The following CRYGN variants were observed in gnomAD, a reference collection of about 807,000 sequenced individuals.
CRYGN encodes the protein gamma-crystallin N.
In CRYGN, 17 loss-of-function variants were observed where a neutral mutation model predicts 19.2. The observed-to-expected ratio is 0.89, with a 90% CI of 0.61 to 1.33. The LOEUF is 1.33. CRYGN is among the 40% of genes most tolerant of loss of function. The pLI, the probability that CRYGN is intolerant of heterozygous loss-of-function variation, is 0.00. For synonymous variants in CRYGN, 84 were observed against 85.8 expected (o/e 0.98, Z 0.12); for missense variants, 239 against 239.6 (o/e 1.00, Z 0.02).
In CRYGN at chr7:151,431,426, G is replaced by T. The variant is rs1300032445; in HGVS notation, c.417-1246C>A. Among the ~76,000 whole-genome samples, 1 of 152,178 alleles carries T rather than the reference G, an allele frequency of 6.6e-6. No homozygotes were observed. Among genetic ancestry groups the T allele is most frequent in the African/African-American group, 2.4e-5 (1 of 41,442 alleles). ...AAGCCCACCCCAACAGGAGGACCCA[G>T]TGTCCTGGAGAGGGCCCAGGAATGG... On this transcript the variant is annotated intron_variant, in intron 3 of 3. Transcript: ENST00000337323. This position sits in a 1 kb window ranked among gnomAD's most constrained non-coding sequence, Gnocchi z 4.8.
At chr7:151,438,379 G>T in intron 1 of CRYGN, 135 bp from the exon 2 acceptor site, 1 of 827,734 alleles carries the variant, frequency 1.2e-6, no homozygotes, top group Non-Finnish European at 1.9e-6. Flanking sequence ...GCTGCACACA[G>T]TAGGTGCCCA....
intron 1 of CRYGN, among the ~76,000 whole-genome samples, chr7:151,438,645 A>C (rs756679434): frequency 6.6e-6 from 1 of 152,258 alleles, no homozygotes; most frequent in Non-Finnish European, 1.5e-5. Flanking sequence ...TTTTCAAAAG[A>C]AGAAATTTCA....
intron 1 of CRYGN, 140 bp from the exon 2 acceptor site, chr7:151,438,384 T>TCTGG: frequency 2.5e-6 from 2 of 789,226 alleles, no homozygotes; most frequent in Non-Finnish European, 2.0e-6. Flanking sequence ...ACACAGTAGG[T>TCTGG]GCCCAACACT....
In CRYGN at chr7:151,430,977, C is replaced by T. The variant is rs180848425; in HGVS notation, c.417-797G>A. The stretch of plus-strand genomic sequence containing the variant: ...ATCCCTCATCCAGCCAGGCCTTGGT[C>T]CAGGCACAGGCCATGTGGACATCTT... On this transcript the variant is annotated intron_variant, in intron 3 of 3. Coordinates refer to ENST00000337323, the MANE Select transcript of CRYGN (RefSeq NM_144727.3). The surrounding 1 kb of genome is among the most constrained non-coding windows in gnomAD (Gnocchi z 5.2). 6.6e-5 allele frequency among the ~76,000 whole-genome samples: 10 copies of T among 152,342 alleles called. No homozygotes were observed. The East Asian group carries it at 1.7e-3, about 26-fold the overall frequency.
chr7:151,434,717 C>A (rs549327447), intron 3 of CRYGN, among the ~76,000 whole-genome samples: 1 of 152,304 alleles, frequency 6.6e-6, no homozygotes, highest in South Asian at 2.1e-4. Context: ...CACTTAACAC[C>A]GTCAGTAAGT....
Position 151,430,077 on chromosome 7 carries a change from G to T in CRYGN, c.520C>A (p.Gln174Lys). 7.4e-7 allele frequency: 1 copy of T among 1,352,412 alleles called. No homozygotes were observed. Among genetic ancestry groups the T allele is most frequent in the Non-Finnish European group, 1.1e-6 (1 of 941,002 alleles). 83.8% of individuals were successfully genotyped at this position (1,352,412 alleles called of 1,614,324 possible). A position where few individuals can be genotyped will look rare whatever the true frequency, so the allele number is the denominator to read the frequency against. ...EEATTKPATT[Q>K]PPFLTANL is the part of the protein sequence containing the mutation. The stretch of plus-strand genomic sequence containing the variant: ...AGGTTTGCAGTCAGGAAAGGTGGCT[G>T]GGTTGTTGCTGGTTTTGTGGTGGCC... Residue 174 changes from glutamine to lysine, a missense_variant, in exon 4 of 4, where the codon CAG (glutamine) becomes AAG (lysine). Physicochemically the swap from Gln to Lys is moderately conservative, Grantham distance 53. Transcript: ENST00000337323. The surrounding 1 kb of genome is among the most constrained non-coding windows in gnomAD (Gnocchi z 5.2).
At chr7:151,437,865 T>C (rs1427087055) in intron 2 of CRYGN, 131 bp downstream of exon 2, 13 of 1,539,376 alleles carry the variant, frequency 8.4e-6, no homozygotes, top group African/African-American at 1.4e-5. Flanking sequence ...GCTCTGGGTA[T>C]AGCTCCTTCA....
rs1288590502 is a variant in CRYGN, at chr7:151,431,971, G to C, written c.417-1791C>G. The C allele has an allele frequency of 2.6e-6, 1 of 380,338 alleles. No individual in the cohort carries two copies. Among genetic ancestry groups the C allele is most frequent in the African/African-American group, 2.1e-5 (1 of 48,174 alleles). The allele number at this position is 380,338 out of a possible 1,614,324, so 23.6% of individuals were successfully genotyped here. On this transcript the variant is annotated intron_variant, in intron 3 of 3. Transcript: ENST00000337323. The surrounding 1 kb of genome is among the most constrained non-coding windows in gnomAD (Gnocchi z 4.8). The stretch of plus-strand genomic sequence containing the variant: ...AGGGGGTCCCTGGGAGTCCGGGAAA[G>C]CGCCCTGGATCATCCAGCTCCTCCC...
intron 2 of CRYGN, among the ~76,000 whole-genome samples, chr7:151,437,553 T>A (rs896019965): frequency 1.3e-5 from 2 of 151,822 alleles, no homozygotes; most frequent in African/African-American, 2.4e-5. Flanking sequence ...GACAGGCGGG[T>A]GATTCTTCAG....
At position 151,436,706 on chromosome 7, in the gene CRYGN, G is replaced by A. The variant is rs2075000; in HGVS notation, c.271-381C>T. On this transcript the variant is annotated intron_variant, in intron 2 of 3. Transcript: ENST00000337323. The surrounding 1 kb of genome is among the most constrained non-coding windows in gnomAD (Gnocchi z 5.1). Reference sequence around the variant, plus strand: ...CCCTGATCACAGCCACACACTCCGGGTTCTGACTTCCCCACCCCTGGGCCA... The same window carrying A: ...CCCTGATCACAGCCACACACTCCGGATTCTGACTTCCCCACCCCTGGGCCA... 20,937 of 159,284 alleles carry A rather than the reference G, an allele frequency of 0.13. 1,837 individuals carry two copies. Among genetic ancestry groups the A allele is most frequent in the East Asian group, 0.43 (2,369 of 5,484 alleles). 9.9% of individuals were successfully genotyped at this position (159,284 alleles called of 1,614,324 possible). A position where few individuals can be genotyped will look rare whatever the true frequency, so the allele number is the denominator to read the frequency against.
intron 3 of CRYGN, chr7:151,432,171 G>A (rs1307508781): frequency 1.6e-6 from 2 of 1,231,090 alleles, no homozygotes; most frequent in Non-Finnish European, 2.0e-6. Flanking sequence ...TGACCACCTT[G>A]TGGAGCGACT....
intron 3 of CRYGN, among the ~76,000 whole-genome samples, chr7:151,432,800 C>G (rs1011083519): frequency 2.0e-5 from 3 of 152,168 alleles, no homozygotes; most frequent in African/African-American, 4.8e-5. Context: ...GATGCACTCC[C>G]GCCATCACTG....
At chr7:151,437,591 G>T (rs1254547514) in intron 2 of CRYGN, among the ~76,000 whole-genome samples, 1 of 152,180 alleles carries the variant, frequency 6.6e-6, no homozygotes, top group African/African-American at 2.4e-5. Context: ...TCCAAGACAT[G>T]GAAGGCTCCA....
rs1052210555 is a variant in CRYGN at position 151,430,711 on chromosome 7, T to C, written c.417-531A>G. On this transcript the variant is annotated intron_variant, in intron 3 of 3. Coordinates refer to ENST00000337323, the MANE Select transcript of CRYGN (RefSeq NM_144727.3). The surrounding 1 kb of genome is among the most constrained non-coding windows in gnomAD (Gnocchi z 5.2). ...GCTCATGGGCTTTCCCTCGGAGTCC[T>C]GAGCTGGGCGACCAGCCTAGAGGGG... 6.6e-6 allele frequency among the ~76,000 whole-genome samples: 1 copy of C among 152,216 alleles called. No individual in the cohort carries two copies. The highest frequency in any genetic ancestry group is 1.5e-5 in the Non-Finnish European group (1 of 68,036).
In CRYGN at chr7:151,436,783, C is replaced by T. The variant is rs1463505595; in HGVS notation, c.271-458G>A. 2 of 152,510 alleles carry T rather than the reference C, an allele frequency of 1.3e-5. No homozygotes were observed. Among genetic ancestry groups the T allele is most frequent in the Admixed American group, 6.5e-5 (1 of 15,286 alleles). The allele number at this position is 152,510 out of a possible 1,614,324, so 9.4% of individuals were successfully genotyped here. Reference sequence around the variant, plus strand: ...TAACATTTTAAAACTGTAATAGAACCTTTTAGTAAAACATAAAGCCAAAAA... The same window carrying T: ...TAACATTTTAAAACTGTAATAGAACTTTTTAGTAAAACATAAAGCCAAAAA... On this transcript the variant is annotated intron_variant, in intron 2 of 3. Coordinates refer to ENST00000337323, the MANE Select transcript of CRYGN (RefSeq NM_144727.3). This position sits in a 1 kb window ranked among gnomAD's most constrained non-coding sequence, Gnocchi z 5.1.
Position 151,438,075 on chromosome 7 carries a change from A to G in CRYGN, c.191T>C (p.Leu64Ser), listed in dbSNP as rs576183823. 6 of 1,614,150 alleles carry G rather than the reference A, an allele frequency of 3.7e-6. No individual in the cohort carries two copies. In the South Asian group the frequency reaches 5.5e-5, roughly 15 times the overall value. The change falls in exon 2 of 4, where the codon TTG becomes TCG. Residue 64 changes from leucine (L) to serine (S), a missense_variant. Physicochemically the swap from Leu to Ser is moderately radical, Grantham distance 145. Transcript: ENST00000337323. ...HPDFRGQQFI[L>S]EHGDYPDFFR... ...GAAGTCGGGGTAGTCGCCGTGCTCC[A>G]AGATGAACTGCTGGCCCCGGAAGTC...
Position 151,433,908 on chromosome 7 carries a change from T to C in CRYGN, c.416+2272A>G, listed in dbSNP as rs1319821256. Among the ~76,000 whole-genome samples, 29 of 151,744 alleles carry C rather than the reference T, an allele frequency of 1.9e-4. No individual in the cohort carries two copies. Among genetic ancestry groups the C allele is most frequent in the Non-Finnish European group, 5.9e-5 (4 of 67,900 alleles). On this transcript the variant is annotated intron_variant, in intron 3 of 3. Transcript: ENST00000337323. This position sits in a 1 kb window ranked among gnomAD's most constrained non-coding sequence, Gnocchi z 5.1. ...GTGCCCTTCCCCAGGTGAGGGTAGG[T>C]GGAGGCAGAACGCCAGTGCATTTCC...
At chr7:151,432,328 CCCCGGGACTCCGGAGAGAAAAG>C in intron 3 of CRYGN, 1 of 1,116,120 alleles carries the variant, frequency 9.0e-7, no homozygotes, top group Non-Finnish European at 1.1e-6. Context: ...CCAGGAAGTC[CCCCGGGACTCCGGAGAGAAAAG>C]CCTGCACAGC....
At chr7:151,438,953 A>G (rs1247599551) in intron 1 of CRYGN, 1 of 152,220 alleles carries the variant, frequency 6.6e-6, no homozygotes, top group Non-Finnish European at 1.5e-5. Flanking sequence ...AAACAAAACA[A>G]AGTGAAGCAA....
Sources: allele counts gnomAD v4.1 joint callset (sites outside exome capture counted in the v4.1 genomes callset), GRCh38; gene constraint gnomAD v4.1.1; non-coding constraint Gnocchi (gnomAD v3.1); transcripts MANE v1.5; gene names NCBI Gene and HGNC (gene_info 2026-07-23, HGNC 2026-07-21).